Variants in WDR88 observed in about 807,000 individuals in gnomAD.
WDR88 encodes the protein WD repeat-containing protein 88.
A neutral mutation model predicts 46.8 loss-of-function variants in WDR88; 40 were observed. That is an observed-to-expected ratio of 0.86 (90% CI 0.66 to 1.11). The LOEUF (loss-of-function observed/expected upper bound fraction) is 1.11. Ranked by LOEUF, WDR88 falls within the 50% of genes most tolerant of loss-of-function variation. WDR88 has a pLI of 0.00. For synonymous variants in WDR88, 235 were observed against 240.7 expected (o/e 0.98, Z 0.22); for missense variants, 562 against 602.4 (o/e 0.93, Z 0.70).
rs745452663 is a variant in WDR88 at position 33,144,951 on chromosome 19, T to G, written c.476+19T>G. ...GCAGCAGGTGACCTTTCCCTCGTCT[T>G]ACACTGGGAAGAGGGAGGGTGAGCA... On this transcript the variant is annotated intron_variant, in intron 3 of 10. Transcript: ENST00000355868. 1.2e-6 allele frequency: 2 copies of G among 1,607,338 alleles called. No individual in the cohort carries two copies. Among genetic ancestry groups the G allele is most frequent in the East Asian group, 4.5e-5 (2 of 44,776 alleles).
At position 33,132,154 on chromosome 19, in the gene WDR88, C is replaced by A. The variant is rs370319718; in HGVS notation, c.-16C>A. 4.5e-5 allele frequency: 71 copies of A among 1,572,224 alleles called. 1 individual carries two copies. In the East Asian group the frequency reaches 1.2e-3, roughly 27 times the overall value. ...ATCCAGGCTTGTCGGCGGCCACCGG[C>A]GGACCGGGCTTCGAGATGGCCTCCC... On this transcript the variant is annotated 5_prime_UTR_variant, in exon 1 of 11. Transcript: ENST00000355868.
At chr19:33,133,910 C>T (rs569067458) in intron 1 of WDR88, among the ~76,000 whole-genome samples, 3 of 152,370 alleles carry the variant, frequency 2.0e-5, no homozygotes, top group African/African-American at 4.8e-5. Context: ...ATCCCCGTTC[C>T]GTCCTCAAGG....
At chr19:33,145,307 C>CCA (rs1383033340) in intron 3 of WDR88, among the ~76,000 whole-genome samples, 1 of 151,956 alleles carries the variant, frequency 6.6e-6, no homozygotes, top group Non-Finnish European at 1.5e-5. Flanking sequence ...GTGTGCACCA[C>CCA]CACACCTGGC....
chr19:33,151,035 C>G lies in WDR88; in HGVS notation c.680-146C>G. The G allele has an allele frequency of 5.2e-6, 5 of 961,224 alleles. No individual in the cohort carries two copies. In the South Asian group the frequency reaches 8.5e-5, roughly 16 times the overall value. The allele number at this position is 961,224 out of a possible 1,614,324, so 59.5% of individuals were successfully genotyped here. A position where few individuals can be genotyped will look rare whatever the true frequency, so the allele number is the denominator to read the frequency against. On this transcript the variant is annotated intron_variant, in intron 5 of 10. Coordinates refer to ENST00000355868, the MANE Select transcript of WDR88 (RefSeq NM_173479.4). ...TTCAAAGCCTGGGACATAGTAGTCA[C>G]TCAGGAATGTTTGTGCAGGTGTGTA...
chr19:33,135,710 G>A (rs1368266394), intron 1 of WDR88, among the ~76,000 whole-genome samples: 1 of 152,082 alleles, frequency 6.6e-6, no homozygotes, highest in Admixed American at 6.6e-5. Context: ...GAGCCACTGC[G>A]CCTGGCCGAA....
chr19:33,146,945 A>T (rs1476859271), intron 3 of WDR88, among the ~76,000 whole-genome samples: 2 of 152,034 alleles, frequency 1.3e-5, no homozygotes, highest in Non-Finnish European at 2.9e-5. Flanking sequence ...TCTTCATAGA[A>T]GTCATAGGCA....
chr19:33,139,548 A>G (rs188341150), intron 2 of WDR88, among the ~76,000 whole-genome samples: 23 of 152,292 alleles, frequency 1.5e-4, no homozygotes, highest in Admixed American at 1.3e-4. Flanking sequence ...GACGACCTCA[A>G]GGGAATGTTT....
rs1195294835 is a variant in WDR88 at position 33,164,273 on chromosome 19, T to C, written c.1149+8T>C. 1 of 1,612,846 alleles carries C rather than the reference T, an allele frequency of 6.2e-7. No individual in the cohort carries two copies. Among genetic ancestry groups the C allele is most frequent in the African/African-American group, 1.3e-5 (1 of 74,910 alleles). Reference sequence around the variant, plus strand: ...ATCCTGTCTGCTTCCAAGGTAAAAGTGGTCAAGCTTACAATATCGATCACG... The same window carrying C: ...ATCCTGTCTGCTTCCAAGGTAAAAGCGGTCAAGCTTACAATATCGATCACG... On this transcript the variant is annotated splice_region_variant and intron_variant, in intron 9 of 10. Transcript: ENST00000355868.
intron 6 of WDR88, among the ~76,000 whole-genome samples, chr19:33,155,148 AT>A (rs902703141): frequency 7.2e-5 from 11 of 151,958 alleles, no homozygotes; most frequent in Non-Finnish European, 1.5e-4. Context: ...GAATAACTTC[AT>A]TTTTTTTCTG....
chr19:33,141,745 G>A (rs1174120809), intron 2 of WDR88, among the ~76,000 whole-genome samples: 14 of 151,950 alleles, frequency 9.2e-5, no homozygotes, highest in African/African-American at 3.4e-4. Flanking sequence ...CAGTGGCGTG[G>A]TCTCGGCTCA....
intron 1 of WDR88, 81 bp from the exon 2 acceptor site, chr19:33,137,596 G>A: frequency 7.7e-7 from 1 of 1,295,356 alleles, no homozygotes; most frequent in Non-Finnish European, 1.1e-6. Context: ...TATTGCAAGT[G>A]TTTAGAAATA....
intron 10 of WDR88, among the ~76,000 whole-genome samples, chr19:33,173,914 G>A (rs1292523134): frequency 7.9e-5 from 12 of 152,088 alleles, no homozygotes; most frequent in African/African-American, 2.9e-4. Flanking sequence ...GCAGTGGCGC[G>A]ATCTCGTCTC....
intron 5 of WDR88, among the ~76,000 whole-genome samples, chr19:33,150,473 G>A (rs928667892): frequency 2.6e-5 from 4 of 152,188 alleles, no homozygotes; most frequent in Admixed American, 2.6e-4. Flanking sequence ...CATTCATTAT[G>A]TAAATAAAAA....
intron 5 of WDR88, among the ~76,000 whole-genome samples, chr19:33,150,866 G>A (rs973248175): frequency 6.6e-6 from 1 of 152,230 alleles, no homozygotes; most frequent in East Asian, 1.9e-4. Flanking sequence ...CCCTCAGGGT[G>A]GCCAGGCTTA....
chr19:33,139,705 C>T (rs1905433912), intron 2 of WDR88, among the ~76,000 whole-genome samples: 1 of 152,110 alleles, frequency 6.6e-6, no homozygotes, highest in Admixed American at 6.6e-5. Context: ...AGTCAATCCC[C>T]ACTATTGTCT....
At chr19:33,163,900 C>G (rs1973911872) in intron 8 of WDR88, among the ~76,000 whole-genome samples, 2 of 152,148 alleles carry the variant, frequency 1.3e-5, no homozygotes, top group Non-Finnish European at 2.9e-5. Flanking sequence ...TCCCAGAGTA[C>G]TGAGATTACA....
intron 5 of WDR88, 39 bp downstream of exon 5, chr19:33,148,949 T>C (rs1430019548): frequency 6.2e-7 from 1 of 1,612,632 alleles, no homozygotes; most frequent in East Asian, 2.2e-5. Context: ...CAGTCTGCCA[T>C]AGGAATAGCC....
chr19:33,148,862 A>G lies in WDR88; in HGVS notation c.631A>G (p.Ile211Val), dbSNP rs779091057. 5.0e-6 allele frequency: 8 copies of G among 1,614,178 alleles called. No individual in the cohort carries two copies. The highest frequency in any genetic ancestry group is 1.1e-5 in the South Asian group (1 of 91,084). Residue 211 changes from isoleucine (I) to valine (V), a missense_variant, in exon 5 of 11, where the codon ATC becomes GTC. Transcript: ENST00000355868. ...VVSGFDVDHGICIMDAENITT... is the reference protein window; with the variant it reads ...VVSGFDVDHGVCIMDAENITT... ...CTCAGGCTTCGACGTGGATCATGGA[A>G]TCTGCATAATGGACGCCGAGAACAT...
Position 33,175,248 on chromosome 19 carries a change from A to AAAAC in WDR88, c.1243-135_1243-132dup, listed in dbSNP as rs139387848. On this transcript the variant is annotated intron_variant, in intron 10 of 10. Coordinates refer to ENST00000355868, the MANE Select transcript of WDR88 (RefSeq NM_173479.4). ...AGACTCTGTCTCAAAAACAAAAACAAAAACAAACAAACAAACCAAAAAGAG... is the reference window on the plus strand; with the variant it reads ...AGACTCTGTCTCAAAAACAAAAACAAAAACAAACAAACAAACAAACCAAAAAGAG... The AAAAC allele has an allele frequency of 3.1e-3, 2,923 of 950,028 alleles. 17 individuals carry two copies. The highest frequency in any genetic ancestry group is 0.024 in the African/African-American group (1,430 of 59,380). 58.8% of individuals were successfully genotyped at this position (950,028 alleles called of 1,614,324 possible).
Sources: gnomAD v4.1 joint callset for allele counts (sites outside exome capture counted in the v4.1 genomes callset) on GRCh38, gnomAD v4.1.1 for gene constraint, MANE v1.5 for transcripts, NCBI Gene and HGNC (gene_info 2026-07-23, HGNC 2026-07-21) for gene names.